The following IQCH variants were observed in gnomAD, a reference collection of about 807,000 sequenced individuals.
IQCH encodes IQ domain-containing protein H.
A neutral mutation model predicts 117.0 loss-of-function variants in IQCH; 98 were observed. That is an observed-to-expected ratio of 0.84 (90% CI 0.71 to 0.99). The LOEUF (loss-of-function observed/expected upper bound fraction) is 0.99. Among genes scored for constraint, IQCH ranks in the 50% least tolerant of loss-of-function variants. The probability of loss-of-function intolerance (pLI) is 0.00; values close to 1 mark genes in which losing one functional copy is unlikely to be tolerated. For synonymous variants in IQCH, 412 were observed against 448.2 expected (o/e 0.92, Z 1.02); for missense variants, 1,102 against 1,243.8 (o/e 0.89, Z 1.72).
intron 12 of IQCH, among the ~76,000 whole-genome samples, chr15:67,389,691 T>A (rs1052881598): frequency 7.9e-5 from 12 of 152,314 alleles, no homozygotes; most frequent in Non-Finnish European, 1.3e-4. Flanking sequence ...TAATACCTAA[T>A]GGACTATGCA....
chr15:67,265,365 AC>A (rs1965627549), intron 3 of IQCH, among the ~76,000 whole-genome samples: 1 of 152,232 alleles, frequency 6.6e-6, no homozygotes, highest in South Asian at 2.1e-4. Context: ...CAGAAGTGGT[AC>A]TTGGATCATA....
intron 19 of IQCH, among the ~76,000 whole-genome samples, chr15:67,492,971 C>T (rs941306567): frequency 3.9e-5 from 6 of 152,120 alleles, no homozygotes; most frequent in Admixed American, 1.3e-4. Flanking sequence ...GAGGAACTTG[C>T]CCAGCTGTCC....
rs538514687 is a variant in IQCH, at chr15:67,346,321, A to C, written c.637+2130A>C. On this transcript the variant is annotated intron_variant, in intron 6 of 20. Coordinates refer to ENST00000335894, the MANE Select transcript of IQCH (RefSeq NM_001031715.3). ...TCAATAGAACTAGTAACCCCCCCCC[A>C]AAAAAATACTATAGAACAGTGGTCC... Among the ~76,000 whole-genome samples the C allele has an allele frequency of 4.0e-3, 593 of 149,176 alleles. 3 individuals are homozygous for C. Among genetic ancestry groups the C allele is most frequent in the African/African-American group, 0.012 (479 of 38,890 alleles).
At chr15:67,270,550 T>G (rs1965855519) in intron 3 of IQCH, among the ~76,000 whole-genome samples, 1 of 152,110 alleles carries the variant, frequency 6.6e-6, no homozygotes, top group African/African-American at 2.4e-5. Flanking sequence ...ATGAATGGAT[T>G]GGTGCCATTC....
rs181150775 is a variant in IQCH, at chr15:67,269,033, A to C, written c.269+5817A>C. Among the ~76,000 whole-genome samples, 551 of 152,216 alleles carry C rather than the reference A, an allele frequency of 3.6e-3. 1 individual carries two copies. Among genetic ancestry groups the C allele is most frequent in the Non-Finnish European group, 6.8e-3 (460 of 67,968 alleles). On this transcript the variant is annotated intron_variant, in intron 3 of 20. Coordinates refer to ENST00000335894, the MANE Select transcript of IQCH (RefSeq NM_001031715.3). Reference sequence around the variant, plus strand: ...CAAAGTACACTTGCTAAAAAAAAAAAAACCAACACTTGATATAGACAGAAG... The same window carrying C: ...CAAAGTACACTTGCTAAAAAAAAAACAACCAACACTTGATATAGACAGAAG...
At position 67,459,096 on chromosome 15, in the gene IQCH, A is replaced by G. The variant is rs1157877155; in HGVS notation, c.2506-6031A>G. Among the ~76,000 whole-genome samples the G allele has an allele frequency of 6.6e-6, 1 of 152,180 alleles. No individual in the cohort carries two copies. The highest frequency in any genetic ancestry group is 6.5e-5 in the Admixed American group (1 of 15,280). The stretch of plus-strand genomic sequence containing the variant: ...AAGGAAAGTGTGGCCCGGAGAGGCA[A>G]CTTCTTTTGGGTCACAGATATTTGT... On this transcript the variant is annotated intron_variant, in intron 16 of 20. Transcript: ENST00000335894. This position sits in a 1 kb window ranked among gnomAD's most constrained non-coding sequence, Gnocchi z 4.2.
In IQCH at chr15:67,453,339, T is replaced by G. The variant is rs1481940177; in HGVS notation, c.2506-11788T>G. ...TTTCCAGTTTTTCTGCTCTGTTTTT[T>G]TCCCATCTTTGTGGTTTTATCTACC... is the stretch of plus-strand genomic sequence containing the variant. On this transcript the variant is annotated intron_variant, in intron 16 of 20. Coordinates refer to ENST00000335894, the MANE Select transcript of IQCH (RefSeq NM_001031715.3). This position sits in a 1 kb window ranked among gnomAD's most constrained non-coding sequence, Gnocchi z 5.8. 6.6e-6 allele frequency among the ~76,000 whole-genome samples: 1 copy of G among 152,144 alleles called. No homozygotes were observed. Among genetic ancestry groups the G allele is most frequent in the Non-Finnish European group, 1.5e-5 (1 of 68,040 alleles).
At position 67,426,614 on chromosome 15, in the gene IQCH, T is replaced by A. The variant is rs183489151; in HGVS notation, c.2505+5037T>A. On this transcript the variant is annotated intron_variant, in intron 16 of 20. Transcript: ENST00000335894. This position sits in a 1 kb window ranked among gnomAD's most constrained non-coding sequence, Gnocchi z 5.1. ...TTTAAACTTACAAACTAAAAAAAAA[T>A]AAAAATAAAAATAAAAATGAAAAGC... Among the ~76,000 whole-genome samples the A allele has an allele frequency of 4.4e-5, 5 of 113,434 alleles. No homozygotes were observed. The highest frequency in any genetic ancestry group is 3.1e-4 in the East Asian group (1 of 3,190). 74.4% of individuals were successfully genotyped at this position (113,434 alleles called of 152,430 possible).
intron 16 of IQCH, among the ~76,000 whole-genome samples, chr15:67,446,104 T>C (rs1339527219): frequency 2.0e-5 from 3 of 152,210 alleles, no homozygotes; most frequent in African/African-American, 7.2e-5. Context: ...AATGGCACTG[T>C]GAAACTTCTA....
chr15:67,417,308 C>A lies in IQCH; in HGVS notation c.2218+257C>A, dbSNP rs1295201720. 1.3e-5 allele frequency among the ~76,000 whole-genome samples: 2 copies of A among 152,276 alleles called. No individual in the cohort carries two copies. The highest frequency in any genetic ancestry group is 3.9e-4 in the East Asian group (2 of 5,182). Reference sequence around the variant, plus strand: ...CCTTTTTTTACACTACAAACTTCTCCTGAGAGGTGGGCTTTGGAATCAGAT... The same window carrying A: ...CCTTTTTTTACACTACAAACTTCTCATGAGAGGTGGGCTTTGGAATCAGAT... On this transcript the variant is annotated intron_variant, in intron 15 of 20. Transcript: ENST00000335894. The surrounding 1 kb of genome is among the most constrained non-coding windows in gnomAD (Gnocchi z 4.3).
Position 67,433,607 on chromosome 15 carries a change from A to G in IQCH, c.2505+12030A>G, listed in dbSNP as rs1250004808. ...AGCTCTTTGCTTCCTTTCAAATGAAACCAAGACACCTCTCTGCACTTAGGG... is the reference window on the plus strand; with the variant it reads ...AGCTCTTTGCTTCCTTTCAAATGAAGCCAAGACACCTCTCTGCACTTAGGG... On this transcript the variant is annotated intron_variant, in intron 16 of 20. Coordinates refer to ENST00000335894, the MANE Select transcript of IQCH (RefSeq NM_001031715.3). The surrounding 1 kb of genome is among the most constrained non-coding windows in gnomAD (Gnocchi z 5.4). Among the ~76,000 whole-genome samples the G allele has an allele frequency of 1.3e-5, 2 of 152,168 alleles. No individual in the cohort carries two copies. Among genetic ancestry groups the G allele is most frequent in the Non-Finnish European group, 2.9e-5 (2 of 68,032 alleles).
Position 67,461,579 on chromosome 15 carries a change from C to G in IQCH, c.2506-3548C>G, listed in dbSNP as rs192911008. ...GAACAGAACAATTATCTGAGCAAAT[C>G]AGGCAAGCCTGCTGTTGAGGAAAAG... On this transcript the variant is annotated intron_variant, in intron 16 of 20. Transcript: ENST00000335894. Among the ~76,000 whole-genome samples, 310 of 152,354 alleles carry G rather than the reference C, an allele frequency of 2.0e-3. 1 individual carries two copies. The highest frequency in any genetic ancestry group is 7.2e-3 in the African/African-American group (301 of 41,574).
chr15:67,490,168 A>G lies in IQCH; in HGVS notation c.2861+104A>G, dbSNP rs2083608611. ...TGCATTTTAATCAGCATGCTGATTT[A>G]TTAGAAGTCTATCTTTATTTAGATC... On this transcript the variant is annotated intron_variant, in intron 19 of 20. Coordinates refer to ENST00000335894, the MANE Select transcript of IQCH (RefSeq NM_001031715.3). This position sits in a 1 kb window ranked among gnomAD's most constrained non-coding sequence, Gnocchi z 4.9. 2 of 819,324 alleles carry G rather than the reference A, an allele frequency of 2.4e-6. No individual in the cohort carries two copies. The highest frequency in any genetic ancestry group is 1.7e-5 in the African/African-American group (1 of 58,014). 50.8% of individuals were successfully genotyped at this position (819,324 alleles called of 1,614,324 possible).
intron 16 of IQCH, among the ~76,000 whole-genome samples, chr15:67,462,613 C>G (rs2082826270): frequency 6.6e-6 from 1 of 151,924 alleles, no homozygotes. Context: ...ACTGTGAGGT[C>G]CAGATTTAAG....
In IQCH at chr15:67,457,875, C is replaced by G. The variant is rs1265996338; in HGVS notation, c.2506-7252C>G. Among the ~76,000 whole-genome samples the G allele has an allele frequency of 6.6e-6, 1 of 152,166 alleles. No homozygotes were observed. Among genetic ancestry groups the G allele is most frequent in the Non-Finnish European group, 1.5e-5 (1 of 68,030 alleles). On this transcript the variant is annotated intron_variant, in intron 16 of 20. Transcript: ENST00000335894. The surrounding 1 kb of genome is among the most constrained non-coding windows in gnomAD (Gnocchi z 5.7). ...CAAGCTGTTGTCACTTTTCCCCTAC[C>G]AAGCTGCCCCTGTCCTTCTCCACCT...
At chr15:67,421,190 T>C (rs999185130) in intron 15 of IQCH, 101 bp from the exon 16 acceptor site, 10 of 915,286 alleles carry the variant, frequency 1.1e-5, no homozygotes, top group Non-Finnish European at 1.6e-5. Context: ...GAATGTAAGC[T>C]ACTTGCCCAA....
rs572327184 is a variant in IQCH at position 67,436,487 on chromosome 15, A to G, written c.2505+14910A>G. On this transcript the variant is annotated intron_variant, in intron 16 of 20. Transcript: ENST00000335894. This position sits in a 1 kb window ranked among gnomAD's most constrained non-coding sequence, Gnocchi z 5.1. ...GATCCATCAGGACGGTGGCCAGAGAAGCAGGCGGTAAATCTCCACAGGGAG... is the reference window on the plus strand; with the variant it reads ...GATCCATCAGGACGGTGGCCAGAGAGGCAGGCGGTAAATCTCCACAGGGAG... Among the ~76,000 whole-genome samples the G allele has an allele frequency of 1.3e-5, 2 of 152,350 alleles. No homozygotes were observed. Among genetic ancestry groups the G allele is most frequent in the African/African-American group, 4.8e-5 (2 of 41,586 alleles).
chr15:67,400,952 C>T (rs77975529), intron 14 of IQCH, among the ~76,000 whole-genome samples: 365 of 152,178 alleles, frequency 2.4e-3, no homozygotes, highest in Non-Finnish European at 4.7e-3. Flanking sequence ...CTTCTAACAA[C>T]TGTTGTTGTT....
intron 4 of IQCH, chr15:67,304,427 T>C: frequency 1.3e-6 from 2 of 1,525,516 alleles, no homozygotes; most frequent in South Asian, 1.2e-5. Flanking sequence ...GGAATCAGTT[T>C]GCCATATATT....
Sources: allele counts gnomAD v4.1 joint callset (sites outside exome capture counted in the v4.1 genomes callset), GRCh38; gene constraint gnomAD v4.1.1; non-coding constraint Gnocchi (gnomAD v3.1); transcripts MANE v1.5; gene names NCBI Gene and HGNC (gene_info 2026-07-23, HGNC 2026-07-21).